The following CACNA1E variants were observed in gnomAD, a reference collection of about 807,000 sequenced individuals.
CACNA1E encodes the protein voltage-dependent R-type calcium channel subunit alpha-1E.
CACNA1E carries 40 observed loss-of-function variants against 259.2 expected under a neutral mutation model. The ratio of observed to expected loss-of-function variants is 0.15; its 90% CI spans 0.12 to 0.20. The LOEUF (loss-of-function observed/expected upper bound fraction) is 0.20, where lower values mean the gene tolerates loss of function less well. CACNA1E is among the 10% of genes least tolerant of loss of function. The pLI is 1.00. For missense variants in CACNA1E, 1,874 were observed against 3,040.1 expected, an observed-to-expected ratio of 0.62 and a Z score of 9.02; for synonymous variants, 1,104 against 1,138.5, an observed-to-expected ratio of 0.97 and a Z score of 0.61.
chr1:181,357,201 G>T (rs1653514602), intron 1 of CACNA1E, among the ~76,000 whole-genome samples: 1 of 152,118 alleles, frequency 6.6e-6, no homozygotes, highest in African/African-American at 2.4e-5. Flanking sequence ...TCACTGGTCT[G>T]GGGCAGGTCT....
At chr1:181,431,583 TA>T (rs1227539684) in intron 2 of CACNA1E, among the ~76,000 whole-genome samples, 1 of 152,182 alleles carries the variant, frequency 6.6e-6, no homozygotes, top group Non-Finnish European at 1.5e-5. Flanking sequence ...TGATGTTACT[TA>T]ACACAGGTAT....
chr1:181,752,868 A>G (rs1374021258), intron 27 of CACNA1E, among the ~76,000 whole-genome samples: 1 of 151,364 alleles, frequency 6.6e-6, no homozygotes, highest in African/African-American at 2.4e-5. Flanking sequence ...TCCCTCCTCA[A>G]CTCCCCTGGG....
chr1:181,522,498 G>T (rs1408509785), intron 3 of CACNA1E, among the ~76,000 whole-genome samples: 2 of 152,180 alleles, frequency 1.3e-5, no homozygotes, highest in Non-Finnish European at 2.9e-5. Context: ...ATGGTCAAAA[G>T]ATCAAGCCAA....
chr1:181,508,168 T>TGTGTGG (rs1665873355), intron 1 of CACNA1E, among the ~76,000 whole-genome samples: 1 of 151,900 alleles, frequency 6.6e-6, no homozygotes, highest in African/African-American at 2.4e-5. Flanking sequence ...TGTGTGTGTG[T>TGTGTGG]GTGTGTGATG....
chr1:181,473,738 C>G (rs1411757086), intron 2 of CACNA1E, among the ~76,000 whole-genome samples: 1 of 152,158 alleles, frequency 6.6e-6, no homozygotes, highest in East Asian at 1.9e-4. Flanking sequence ...TCTCTATTCT[C>G]TAGCTCAAAT....
At chr1:181,381,489 G>C (rs75065567) in intron 1 of CACNA1E, among the ~76,000 whole-genome samples, 2 of 152,192 alleles carry the variant, frequency 1.3e-5, no homozygotes, top group African/African-American at 4.8e-5. Context: ...CAATGATTGC[G>C]TGGAGAAGAT....
intron 6 of CACNA1E, among the ~76,000 whole-genome samples, chr1:181,601,964 G>A (rs1000702197): frequency 2.0e-5 from 3 of 152,192 alleles, no homozygotes; most frequent in African/African-American, 4.8e-5. Context: ...GCCTTGGATG[G>A]AACCTTGCTA....
At chr1:181,726,895 C>A (rs114530864) in intron 18 of CACNA1E, among the ~76,000 whole-genome samples, 1 of 151,756 alleles carries the variant, frequency 6.6e-6, no homozygotes, top group South Asian at 2.1e-4. Flanking sequence ...GGAGAGAGAG[C>A]CAATAGGATG....
At chr1:181,562,562 A>G (rs751065668) in intron 3 of CACNA1E, among the ~76,000 whole-genome samples, 3 of 152,124 alleles carry the variant, frequency 2.0e-5, no homozygotes, top group Non-Finnish European at 4.4e-5. Context: ...ATTTTCATAA[A>G]ATCTTAACTT....
intron 2 of CACNA1E, among the ~76,000 whole-genome samples, chr1:181,417,348 A>G (rs1658348660): frequency 6.6e-6 from 1 of 152,184 alleles, no homozygotes; most frequent in South Asian, 2.1e-4. Flanking sequence ...CTAAGATAGA[A>G]TGAATCATCC....
intron 2 of CACNA1E, among the ~76,000 whole-genome samples, chr1:181,437,171 T>C (rs1400398083): frequency 1.3e-5 from 2 of 152,188 alleles, no homozygotes; most frequent in Non-Finnish European, 2.9e-5. Flanking sequence ...CAACACCCTC[T>C]TATTGCCACA....
At chr1:181,419,294 C>A (rs1228372924) in intron 2 of CACNA1E, among the ~76,000 whole-genome samples, 1 of 152,178 alleles carries the variant, frequency 6.6e-6, no homozygotes, top group Non-Finnish European at 1.5e-5. Context: ...ACTCATTCTG[C>A]ACTGGCTACA....
intron 28 of CACNA1E, 76 bp from the exon 29 acceptor site, chr1:181,755,880 C>A: frequency 7.0e-7 from 1 of 1,428,912 alleles, no homozygotes; most frequent in Admixed American, 2.0e-5. Context: ...ATTATTGCGG[C>A]CTGTAGAATG....
chr1:181,637,506 G>A (rs1219014366), intron 6 of CACNA1E, among the ~76,000 whole-genome samples: 2 of 124,408 alleles, frequency 1.6e-5, no homozygotes, highest in Non-Finnish European at 3.2e-5. Context: ...GTGTCTTTGT[G>A]TCTTTCTGTC....
chr1:181,493,708 T>C (rs954763484), intron 1 of CACNA1E, among the ~76,000 whole-genome samples: 10 of 152,208 alleles, frequency 6.6e-5, no homozygotes, highest in African/African-American at 2.4e-4. Context: ...GACTGAGAAC[T>C]AAATTTTAAA....
chr1:181,625,047 CTTTTTTTTTTTTTT>C (rs3083524), intron 6 of CACNA1E, among the ~76,000 whole-genome samples: 1 of 108,692 alleles, frequency 9.2e-6, no homozygotes, highest in Non-Finnish European at 2.0e-5. Flanking sequence ...TGAAAGGAAT[CTTTTTTTTTTTTTT>C]TTTTTTTTGA....
chr1:181,590,437 T>TATATATATATATATATA (rs1558159851), intron 6 of CACNA1E, among the ~76,000 whole-genome samples: 42 of 143,410 alleles, frequency 2.9e-4, no homozygotes, highest in African/African-American at 1.1e-3. Context: ...ATATATATAT[T>TATATATATATATATATA]GTATTTGACT....
intron 3 of CACNA1E, among the ~76,000 whole-genome samples, chr1:181,536,644 A>G (rs1180893883): frequency 1.3e-5 from 2 of 152,100 alleles, no homozygotes; most frequent in Non-Finnish European, 2.9e-5. Context: ...TCTTTCTACC[A>G]TGTCTGTTTG....
intron 3 of CACNA1E, among the ~76,000 whole-genome samples, chr1:181,569,374 T>G (rs1056384742): frequency 6.6e-6 from 1 of 152,204 alleles, no homozygotes; most frequent in East Asian, 1.9e-4. Flanking sequence ...TGGGCTGGGC[T>G]TGACATCTTT....
Sources: allele counts gnomAD v4.1 joint callset (sites outside exome capture counted in the v4.1 genomes callset), GRCh38; gene constraint gnomAD v4.1.1; transcripts MANE v1.5; gene names NCBI Gene and HGNC (gene_info 2026-07-23, HGNC 2026-07-21).